The following MLLT10 variants were observed in gnomAD, a reference collection of about 807,000 sequenced individuals.
The protein encoded by MLLT10 is MLLT10 histone lysine methyltransferase DOT1L cofactor, also known as protein AF-10.
In MLLT10, 30 loss-of-function variants were observed where a neutral mutation model predicts 129.1. That is an observed-to-expected ratio of 0.23 (90% CI 0.17 to 0.32). The LOEUF (loss-of-function observed/expected upper bound fraction) is 0.32. MLLT10 is among the 10% of genes least tolerant of loss of function. MLLT10 has a pLI of 1.00. For synonymous variants in MLLT10, 490 were observed against 446.4 expected (o/e 1.10, Z -1.23); for missense variants, 1,119 against 1,268.3 (o/e 0.88, Z 1.79).
At chr10:21,662,850 A>C (rs2050356201) in intron 9 of MLLT10, among the ~76,000 whole-genome samples, 1 of 152,182 alleles carries the variant, frequency 6.6e-6, no homozygotes, top group Non-Finnish European at 1.5e-5. Context: ...ATATTTCTAT[A>C]ATTAGGTTTC....
rs1161138978 is a variant in MLLT10, at chr10:21,682,984, T to A, written c.1699+727T>A. On this transcript the variant is annotated intron_variant, in intron 13 of 22. Coordinates refer to ENST00000307729, the MANE Select transcript of MLLT10 (RefSeq NM_001195626.3). Reference sequence around the variant, plus strand: ...CAGATCTCATTTGTTCGAGACTGTTTATGTTCGACTCATTTGTTCAAGACT... The same window carrying A: ...CAGATCTCATTTGTTCGAGACTGTTAATGTTCGACTCATTTGTTCAAGACT... 2.6e-5 allele frequency among the ~76,000 whole-genome samples: 4 copies of A among 152,356 alleles called. No homozygotes were observed. The East Asian group carries it at 7.7e-4, about 29-fold the overall frequency.
At chr10:21,538,374 G>A (rs2034471508) in intron 2 of MLLT10, among the ~76,000 whole-genome samples, 1 of 151,986 alleles carries the variant, frequency 6.6e-6, no homozygotes, top group African/African-American at 2.4e-5. Context: ...TGTTGGTCAG[G>A]CTGGTCTTGA....
At chr10:21,642,038 T>A (rs571494353) in intron 8 of MLLT10, among the ~76,000 whole-genome samples, 3 of 152,262 alleles carry the variant, frequency 2.0e-5, no homozygotes, top group African/African-American at 7.2e-5. Flanking sequence ...CTCTTAAGAA[T>A]GAGGAGAACA....
At chr10:21,652,867 G>A (rs1029936291) in intron 9 of MLLT10, among the ~76,000 whole-genome samples, 3 of 152,152 alleles carry the variant, frequency 2.0e-5, no homozygotes, top group African/African-American at 7.2e-5. Flanking sequence ...GGTAGTGATA[G>A]GTGATCAGAT....
intron 14 of MLLT10, among the ~76,000 whole-genome samples, chr10:21,717,909 C>CCTT (rs750433275): frequency 9.0e-5 from 13 of 144,416 alleles, no homozygotes; most frequent in African/African-American, 3.2e-4. Flanking sequence ...TCCTCCTCCT[C>CCTT]CTTCTCCTTC....
chr10:21,549,622 G>A (rs1041752250), intron 3 of MLLT10, among the ~76,000 whole-genome samples: 22 of 150,900 alleles, frequency 1.5e-4, no homozygotes, highest in Non-Finnish European at 2.8e-4. Flanking sequence ...AGGGGAGAGG[G>A]TAAGCTTCAA....
chr10:21,689,661 A>ATATT (rs1382534644), intron 13 of MLLT10, among the ~76,000 whole-genome samples: 51 of 132,364 alleles, frequency 3.9e-4, no homozygotes, highest in African/African-American at 1.3e-3. Context: ...ATATATATAT[A>ATATT]TTTTTTTTTT....
At chr10:21,654,397 C>G (rs2131330603) in intron 9 of MLLT10, among the ~76,000 whole-genome samples, 1 of 152,182 alleles carries the variant, frequency 6.6e-6, no homozygotes, top group South Asian at 2.1e-4. Flanking sequence ...GTGATGTCCC[C>G]TAGAATATGA....
chr10:21,717,507 T>A (rs1031957001), intron 14 of MLLT10, among the ~76,000 whole-genome samples: 9 of 86,338 alleles, frequency 1.0e-4, no homozygotes, highest in Non-Finnish European at 1.7e-4. Context: ...CTCCTCCTCC[T>A]CCTCCTCCAC....
At chr10:21,590,513 A>G (rs752682143) in intron 4 of MLLT10, among the ~76,000 whole-genome samples, 4 of 151,868 alleles carry the variant, frequency 2.6e-5, no homozygotes, top group Non-Finnish European at 4.4e-5. Context: ...TAATTTTTGT[A>G]TTTTTAGTAG....
intron 21 of MLLT10, among the ~76,000 whole-genome samples, chr10:21,736,257 C>G (rs536430680): frequency 5.9e-5 from 9 of 152,182 alleles, no homozygotes; most frequent in Non-Finnish European, 8.8e-5. Flanking sequence ...GTATGGGCTA[C>G]GTATTGAAAA....
At chr10:21,543,624 G>A (rs1389202797) in intron 3 of MLLT10, among the ~76,000 whole-genome samples, 1 of 152,016 alleles carries the variant, frequency 6.6e-6, no homozygotes, top group Non-Finnish European at 1.5e-5. Flanking sequence ...GATTACAGGT[G>A]TGTGCCACCA....
chr10:21,617,234 T>C, intron 8 of MLLT10, 27 bp downstream of exon 8: 1 of 1,319,894 alleles, frequency 7.6e-7, no homozygotes, highest in Non-Finnish European at 1.0e-6. Flanking sequence ...TTGCTAAATT[T>C]GTAGCACATC....
chr10:21,584,082 A>G (rs1291273664), intron 3 of MLLT10, among the ~76,000 whole-genome samples: 2 of 150,212 alleles, frequency 1.3e-5, no homozygotes, highest in African/African-American at 4.9e-5. Flanking sequence ...TGTTAGCCAG[A>G]TGGTCTCGAT....
intron 4 of MLLT10, among the ~76,000 whole-genome samples, chr10:21,594,758 T>A (rs1231442734): frequency 1.5e-5 from 2 of 133,854 alleles, no homozygotes; most frequent in African/African-American, 5.7e-5. Context: ...TGCTTGAACC[T>A]GGGAGGCGGA....
chr10:21,554,802 CTTTG>C (rs944678042), intron 3 of MLLT10, among the ~76,000 whole-genome samples: 10 of 151,132 alleles, frequency 6.6e-5, no homozygotes, highest in Admixed American at 4.6e-4. Flanking sequence ...TAATTTCTTC[CTTTG>C]TTTGTTTTTC....
At chr10:21,713,143 C>G (rs977099366) in intron 13 of MLLT10, among the ~76,000 whole-genome samples, 1 of 152,154 alleles carries the variant, frequency 6.6e-6, no homozygotes, top group African/African-American at 2.4e-5. Flanking sequence ...TTAATCGTTC[C>G]TCCTCTCCTA....
chr10:21,558,071 T>A (rs1369970840), intron 3 of MLLT10, among the ~76,000 whole-genome samples: 1 of 145,916 alleles, frequency 6.9e-6, no homozygotes, highest in Non-Finnish European at 1.5e-5. Flanking sequence ...GGCCTCAGCC[T>A]CCCAAGTAGC....
At chr10:21,545,085 T>C (rs57962540) in intron 3 of MLLT10, among the ~76,000 whole-genome samples, 4,637 of 152,008 alleles carry the variant, frequency 0.031, 241 homozygotes, top group African/African-American at 0.11. Context: ...ATGGAGGTTG[T>C]GGTGAGCCGA....
Sources: gnomAD v4.1 joint callset for allele counts (sites outside exome capture counted in the v4.1 genomes callset) on GRCh38, gnomAD v4.1.1 for gene constraint, MANE v1.5 for transcripts, NCBI Gene and HGNC (gene_info 2026-07-23, HGNC 2026-07-21) for gene names.